The following BNC2 variants were observed in gnomAD, a reference collection of about 807,000 sequenced individuals.
BNC2 encodes the protein basonuclin zinc finger protein 2.
In BNC2, 20 loss-of-function variants were observed where a neutral mutation model predicts 76.3. The ratio of observed to expected loss-of-function variants is 0.26; its 90% CI spans 0.18 to 0.38. The LOEUF (loss-of-function observed/expected upper bound fraction) is 0.38, where lower values mean the gene tolerates loss of function less well. BNC2 is among the 10% of genes least tolerant of loss of function. The pLI is 1.00. For missense variants in BNC2, 1,382 were observed against 1,399.8 expected (o/e 0.99, Z 0.20); for synonymous variants, 582 against 514.8 (o/e 1.13, Z -1.77).
At chr9:16,857,009 T>A (rs1429771471) in intron 1 of BNC2, among the ~76,000 whole-genome samples, 1 of 152,226 alleles carries the variant, frequency 6.6e-6, no homozygotes, top group Non-Finnish European at 1.5e-5. Context: ...TATGATTTTG[T>A]CAGTCCATAC....
chr9:16,701,300 G>A (rs1823503862), intron 3 of BNC2, among the ~76,000 whole-genome samples: 1 of 152,194 alleles, frequency 6.6e-6, no homozygotes, highest in Non-Finnish European at 1.5e-5. Context: ...TAGCTTAAAT[G>A]ATATATGAAG....
chr9:16,450,457 C>G (rs1397908790), intron 5 of BNC2, among the ~76,000 whole-genome samples: 1 of 152,150 alleles, frequency 6.6e-6, no homozygotes. Context: ...AAAACATTTT[C>G]AGATGTAAAA....
rs924601151 is a variant in BNC2, at chr9:16,582,660, A to G, written c.433+323T>C. Among the ~76,000 whole-genome samples the G allele has an allele frequency of 2.4e-4, 36 of 152,180 alleles. 1 individual carries two copies. Among genetic ancestry groups the G allele is most frequent in the African/African-American group, 8.7e-4 (36 of 41,456 alleles). On this transcript the variant is annotated intron_variant, in intron 4 of 6. Transcript: ENST00000380672. The stretch of plus-strand genomic sequence containing the variant: ...CTGAGGTCCAGGCCCTGAAAGGCCA[A>G]CTGTGGTATGTTTGAGTTTCCATCA...
At chr9:16,717,338 G>T (rs1824021582) in intron 3 of BNC2, among the ~76,000 whole-genome samples, 1 of 151,670 alleles carries the variant, frequency 6.6e-6, no homozygotes, top group African/African-American at 2.4e-5. Flanking sequence ...TAAGTATATA[G>T]CTTTAGGGAA....
intron 1 of BNC2, among the ~76,000 whole-genome samples, chr9:16,743,061 G>A (rs1004859541): frequency 6.6e-6 from 1 of 152,152 alleles, no homozygotes; most frequent in African/African-American, 2.4e-5. Flanking sequence ...AAGAACCCAT[G>A]CTCATTTCTT....
chr9:16,475,261 A>G (rs1821904345), intron 5 of BNC2, among the ~76,000 whole-genome samples: 1 of 152,138 alleles, frequency 6.6e-6, no homozygotes, highest in African/African-American at 2.4e-5. Flanking sequence ...CCTTGTGAAC[A>G]CATCTGTGTT....
At chr9:16,653,994 C>T (rs375725361) in intron 3 of BNC2, among the ~76,000 whole-genome samples, 2 of 151,960 alleles carry the variant, frequency 1.3e-5, no homozygotes, top group East Asian at 1.9e-4. Context: ...GGTACAGAGG[C>T]GGGTGTTCTA....
At chr9:16,696,136 C>T (rs1823330979) in intron 3 of BNC2, among the ~76,000 whole-genome samples, 1 of 152,152 alleles carries the variant, frequency 6.6e-6, no homozygotes. Context: ...ATAATCCTGA[C>T]TTTATCATTC....
chr9:16,684,318 T>C (rs112780879), intron 3 of BNC2, among the ~76,000 whole-genome samples: 65 of 152,308 alleles, frequency 4.3e-4, no homozygotes, highest in Non-Finnish European at 7.6e-4. Context: ...CTGTTAGCTT[T>C]CTAGAACTAG....
At chr9:16,846,589 C>G (rs1301484320) in intron 1 of BNC2, among the ~76,000 whole-genome samples, 4 of 152,204 alleles carry the variant, frequency 2.6e-5, no homozygotes, top group Non-Finnish European at 5.9e-5. Context: ...GGTAGGGTTT[C>G]TCTTTCAGCA....
At chr9:16,433,184 A>C (rs1820940055) in intron 6 of BNC2, among the ~76,000 whole-genome samples, 1 of 152,214 alleles carries the variant, frequency 6.6e-6, no homozygotes, top group Admixed American at 6.5e-5. Context: ...AAGAAAATAT[A>C]ATGTCAAAAT....
chr9:16,840,872 CCATAA>C (rs898428102), intron 1 of BNC2, among the ~76,000 whole-genome samples: 3 of 152,258 alleles, frequency 2.0e-5, no homozygotes, highest in African/African-American at 7.2e-5. Context: ...TCTTTAAATA[CCATAA>C]CATATTTTGG....
At chr9:16,671,792 TG>T (rs1216833665) in intron 3 of BNC2, among the ~76,000 whole-genome samples, 1 of 152,178 alleles carries the variant, frequency 6.6e-6, no homozygotes, top group Non-Finnish European at 1.5e-5. Context: ...GTTTTAACAC[TG>T]GTTTGACAAG....
intron 5 of BNC2, among the ~76,000 whole-genome samples, chr9:16,470,901 C>T (rs1044442420): frequency 2.6e-5 from 4 of 152,222 alleles, no homozygotes; most frequent in African/African-American, 9.6e-5. Flanking sequence ...TAGGGCACTG[C>T]TTCGTGGAGC....
intron 5 of BNC2, among the ~76,000 whole-genome samples, chr9:16,512,054 T>C (rs1822769692): frequency 6.6e-6 from 1 of 152,242 alleles, no homozygotes; most frequent in Non-Finnish European, 1.5e-5. Context: ...GATTAATCTA[T>C]TGATCTATTT....
At chr9:16,844,098 A>G (rs916103229) in intron 1 of BNC2, among the ~76,000 whole-genome samples, 2 of 152,138 alleles carry the variant, frequency 1.3e-5, no homozygotes, top group African/African-American at 2.4e-5. Context: ...CATCTCTACA[A>G]AAATAATAAT....
chr9:16,854,890 C>G (rs1257253327), intron 1 of BNC2, among the ~76,000 whole-genome samples: 1 of 151,954 alleles, frequency 6.6e-6, no homozygotes, highest in South Asian at 2.1e-4. Flanking sequence ...AAAGTGTGCA[C>G]CGTGAACATC....
intron 1 of BNC2, among the ~76,000 whole-genome samples, chr9:16,744,442 A>T (rs4961750): frequency 6.6e-6 from 1 of 152,146 alleles, no homozygotes; most frequent in Non-Finnish European, 1.5e-5. Flanking sequence ...TTCTTGTATT[A>T]CTTTTGCTAC....
intron 1 of BNC2, among the ~76,000 whole-genome samples, chr9:16,829,145 G>A (rs889699567): frequency 3.3e-5 from 5 of 152,196 alleles, no homozygotes; most frequent in African/African-American, 9.6e-5. Flanking sequence ...GGACTGCAGC[G>A]GCCTCTGCGA....
Sources: allele counts gnomAD v4.1 joint callset (sites outside exome capture counted in the v4.1 genomes callset), GRCh38; gene constraint gnomAD v4.1.1; transcripts MANE v1.5; gene names NCBI Gene and HGNC (gene_info 2026-07-23, HGNC 2026-07-21).